AP2B1: variants seen among roughly 807,000 people sequenced by gnomAD.
The protein encoded by AP2B1 is AP-2 complex subunit beta.
AP2B1 carries 23 observed loss-of-function variants against 102.0 expected under a neutral mutation model. That is an observed-to-expected ratio of 0.23 (90% CI 0.16 to 0.32). The LOEUF (loss-of-function observed/expected upper bound fraction) is 0.32, where lower values mean the gene tolerates loss of function less well. Among genes scored for constraint, AP2B1 ranks in the 10% least tolerant of loss-of-function variants. The pLI, the probability that AP2B1 is intolerant of heterozygous loss-of-function variation, is 1.00. For missense variants in AP2B1, 541 were observed against 1,157.4 expected (o/e 0.47, Z 7.73); for synonymous variants, 381 against 421.2 (o/e 0.90, Z 1.17).
At chr17:35,702,466 G>A (rs2076257135) in intron 18 of AP2B1, among the ~76,000 whole-genome samples, 1 of 152,174 alleles carries the variant, frequency 6.6e-6, no homozygotes, top group Non-Finnish European at 1.5e-5. Flanking sequence ...AGCTGGATTA[G>A]AGCTAGCAAG....
intron 14 of AP2B1, among the ~76,000 whole-genome samples, chr17:35,661,150 G>A (rs1285221349): frequency 6.6e-6 from 1 of 151,998 alleles, no homozygotes; most frequent in Admixed American, 6.6e-5. Context: ...GGTTCCTGAT[G>A]ACCATATGGT....
Position 35,647,497 on chromosome 17 carries a change from A to G in AP2B1, c.1537-3033A>G, listed in dbSNP as rs72828076. ...AATACTAGAGACATTTTGATAAGAC[A>G]TTCATATGTATACATATACATATAC... is the stretch of plus-strand genomic sequence containing the variant. On this transcript the variant is annotated intron_variant, in intron 12 of 21. Coordinates refer to ENST00000610402, the MANE Select transcript of AP2B1 (RefSeq NM_001030006.2). Among the ~76,000 whole-genome samples, 636 of 152,294 alleles carry G rather than the reference A, an allele frequency of 4.2e-3. 7 individuals are homozygous for G. Among genetic ancestry groups the G allele is most frequent in the Non-Finnish European group, 4.3e-3 (294 of 68,032 alleles).
intron 3 of AP2B1, among the ~76,000 whole-genome samples, chr17:35,605,258 T>TC (rs1218041665): frequency 1.3e-3 from 197 of 151,528 alleles, no homozygotes; most frequent in Admixed American, 2.6e-3. Context: ...TTTTCCTTTT[T>TC]TTTTTAGACA....
chr17:35,667,669 CTT>C (rs1010166814), intron 14 of AP2B1, among the ~76,000 whole-genome samples: 4 of 152,318 alleles, frequency 2.6e-5, no homozygotes, highest in African/African-American at 9.6e-5. Context: ...CCATGAATCT[CTT>C]TTCTCAATGC....
intron 18 of AP2B1, among the ~76,000 whole-genome samples, chr17:35,697,099 G>A (rs1442744456): frequency 6.6e-6 from 1 of 152,174 alleles, no homozygotes; most frequent in African/African-American, 2.4e-5. Flanking sequence ...GCAGCCTTGC[G>A]TTCTATCCTC....
chr17:35,615,006 C>G (rs1020571822), intron 5 of AP2B1, among the ~76,000 whole-genome samples: 1 of 152,148 alleles, frequency 6.6e-6, no homozygotes, highest in African/African-American at 2.4e-5. Context: ...AGGAGTGCTA[C>G]TGGCATATAT....
chr17:35,711,928 A>G (rs1174201203), intron 20 of AP2B1, among the ~76,000 whole-genome samples: 2 of 152,188 alleles, frequency 1.3e-5, no homozygotes, highest in Admixed American at 1.3e-4. Context: ...TCTCTGAGAC[A>G]TTCAGGAGAC....
At chr17:35,607,225 T>C (rs2073710894) in intron 4 of AP2B1, among the ~76,000 whole-genome samples, 1 of 149,034 alleles carries the variant, frequency 6.7e-6, no homozygotes, top group Non-Finnish European at 1.5e-5. Flanking sequence ...TTAATAGTTG[T>C]TTTTTCTCTG....
chr17:35,723,085 T>A (rs2143015937), intron 21 of AP2B1, among the ~76,000 whole-genome samples: 1 of 152,346 alleles, frequency 6.6e-6, no homozygotes, highest in African/African-American at 2.4e-5. Context: ...TTCATGTTCT[T>A]GTCTTCCCTC....
Position 35,608,124 on chromosome 17 carries a change from G to C in AP2B1, c.280-18G>C. 6.2e-7 allele frequency: 1 copy of C among 1,612,044 alleles called. No individual in the cohort carries two copies. The highest frequency in any genetic ancestry group is 8.5e-7 in the Non-Finnish European group (1 of 1,179,598). ...GCCACCATGTATACCTACAGTTGTT[G>C]GTGATTGTTTTCTGCAGGACTGTGA... On this transcript the variant is annotated intron_variant, in intron 4 of 21. Coordinates refer to ENST00000610402, the MANE Select transcript of AP2B1 (RefSeq NM_001030006.2).
chr17:35,688,513 T>C (rs7221203), intron 18 of AP2B1, among the ~76,000 whole-genome samples: 131,649 of 152,168 alleles, frequency 0.87, 57,293 homozygotes, highest in East Asian at 0.97. Context: ...TCCTTCAATT[T>C]TAGGAATTTG....
intron 12 of AP2B1, among the ~76,000 whole-genome samples, chr17:35,644,493 T>C (rs1379160033): frequency 6.6e-6 from 1 of 151,446 alleles, no homozygotes; most frequent in African/African-American, 2.4e-5. Flanking sequence ...TTCTCCTACC[T>C]CAGCTTCCTG....
chr17:35,725,671 A>C lies in AP2B1; in HGVS notation c.*1972A>C, dbSNP rs1555595098. ...TGTGGAGCGGAAAAGCAGGTTGGTA[A>C]AGTTCCCTTCTTGGGACTTATTCCT... On this transcript the variant is annotated 3_prime_UTR_variant, in exon 22 of 22. Coordinates refer to ENST00000610402, the MANE Select transcript of AP2B1 (RefSeq NM_001030006.2). 1 of 152,626 alleles carries C rather than the reference A, an allele frequency of 6.6e-6. No individual in the cohort carries two copies. The highest frequency in any genetic ancestry group is 1.5e-5 in the Non-Finnish European group (1 of 68,084). 9.5% of individuals were successfully genotyped at this position (152,626 alleles called of 1,614,324 possible).
At chr17:35,698,602 C>A (rs763849179) in intron 18 of AP2B1, among the ~76,000 whole-genome samples, 1 of 152,222 alleles carries the variant, frequency 6.6e-6, no homozygotes, top group Non-Finnish European at 1.5e-5. Context: ...CAGGTGTGAG[C>A]CATGCCTGGC....
intron 5 of AP2B1, among the ~76,000 whole-genome samples, chr17:35,624,070 C>T (rs1004681258): frequency 2.6e-5 from 4 of 152,120 alleles, no homozygotes; most frequent in Non-Finnish European, 2.9e-5. Flanking sequence ...CAGACTTTGT[C>T]ATTTTTCATA....
At chr17:35,704,589 T>G (rs2076302822) in intron 18 of AP2B1, among the ~76,000 whole-genome samples, 1 of 152,212 alleles carries the variant, frequency 6.6e-6, no homozygotes, top group Non-Finnish European at 1.5e-5. Context: ...TAAGCCATTA[T>G]TATATGCTAT....
intron 12 of AP2B1, among the ~76,000 whole-genome samples, chr17:35,647,386 G>GC (rs774441406): frequency 1.3e-4 from 20 of 151,710 alleles, no homozygotes; most frequent in Admixed American, 4.6e-4. Context: ...GTCCCTCAGT[G>GC]CCCCCCCTCC....
At chr17:35,711,469 CA>C (rs1383124775) in intron 20 of AP2B1, among the ~76,000 whole-genome samples, 5 of 147,852 alleles carry the variant, frequency 3.4e-5, no homozygotes, top group Non-Finnish European at 7.5e-5. Flanking sequence ...CAGCTTCCCC[CA>C]CCCCACTCCC....
intron 17 of AP2B1, among the ~76,000 whole-genome samples, chr17:35,680,286 A>G (rs1042750074): frequency 3.3e-5 from 5 of 152,234 alleles, no homozygotes; most frequent in African/African-American, 1.2e-4. Context: ...TAAATTCAAT[A>G]TAAATTTGTA....
Sources: gnomAD v4.1 joint callset for allele counts (sites outside exome capture counted in the v4.1 genomes callset) on GRCh38, gnomAD v4.1.1 for gene constraint, MANE v1.5 for transcripts, NCBI Gene and HGNC (gene_info 2026-07-23, HGNC 2026-07-21) for gene names.